Variants in MYCBP observed in about 807,000 individuals in gnomAD.
The protein encoded by MYCBP is C-Myc-binding protein.
In MYCBP, 5 loss-of-function variants were observed where a neutral mutation model predicts 16.8. That is an observed-to-expected ratio of 0.30 (90% confidence interval 0.16 to 0.63). MYCBP has a LOEUF of 0.63. Among genes scored for constraint, MYCBP ranks in the 20% least tolerant of loss-of-function variants. The pLI, the probability that MYCBP is intolerant of heterozygous loss-of-function variation, is 0.83. For missense variants in MYCBP, 103 were observed against 121.8 expected, an observed-to-expected ratio of 0.85 and a Z score of 0.73; for synonymous variants, 35 against 43.7, an observed-to-expected ratio of 0.80 and a Z score of 0.79.
In MYCBP at chr1:38,873,087, C is replaced by A; in HGVS notation, c.19G>T (p.Ala7Ser). The A allele has an allele frequency of 6.4e-7, 1 of 1,559,888 alleles. No homozygotes were observed. Among genetic ancestry groups the A allele is most frequent in the African/African-American group, 1.4e-5 (1 of 73,364 alleles). MAHYKA[A>S]DSKREQFRRY... Reference sequence around the variant, plus strand: ...CGGAACTGCTCACGCTTCGAGTCGGCGGCCTGAAGAGACACCGGGGGTCAG... The same window carrying A: ...CGGAACTGCTCACGCTTCGAGTCGGAGGCCTGAAGAGACACCGGGGGTCAG... The change falls in exon 2 of 5, where the codon GCC (alanine) becomes TCC (serine). Residue 7 changes from alanine (A) to serine (S), a missense_variant. Physicochemically the swap from Ala to Ser is moderately conservative, Grantham distance 99. Transcript: ENST00000397572.
intron 1 of MYCBP, 65 bp downstream of exon 1, chr1:38,873,226 C>A: frequency 1.3e-6 from 2 of 1,585,858 alleles, no homozygotes; most frequent in East Asian, 2.3e-5. Context: ...ACCCCACTCC[C>A]ACCCAGAGCC....
intron 4 of MYCBP, among the ~76,000 whole-genome samples, 160 bp from the exon 5 acceptor site, chr1:38,864,874 A>AT (rs1241857374): frequency 6.6e-6 from 1 of 152,244 alleles, no homozygotes; most frequent in African/African-American, 2.4e-5. Context: ...GTGATTTAAG[A>AT]TTTAATACAA....
At chr1:38,870,301 T>C (rs2124262448) in intron 2 of MYCBP, among the ~76,000 whole-genome samples, 1 of 151,938 alleles carries the variant, frequency 6.6e-6, no homozygotes, top group South Asian at 2.1e-4. Flanking sequence ...GAGACATGAC[T>C]GCACCACTGC....
intron 2 of MYCBP, among the ~76,000 whole-genome samples, chr1:38,869,748 A>T (rs927952322): frequency 9.9e-5 from 15 of 152,166 alleles, no homozygotes. Context: ...CTTGGAAATA[A>T]GCTGTAAAAA....
At chr1:38,873,355 T>A (rs760267412), upstream of MYCBP, 7 of 1,581,514 alleles carry the variant, frequency 4.4e-6, no homozygotes, top group Non-Finnish European at 6.0e-6. Context: ...GACTGGCGGG[T>A]TGGGAGCAGC....
chr1:38,873,108 G>C lies in MYCBP; in HGVS notation c.16-18C>G. The C allele has an allele frequency of 2.6e-6, 4 of 1,556,538 alleles. No individual in the cohort carries two copies. The highest frequency in any genetic ancestry group is 3.5e-6 in the Non-Finnish European group (4 of 1,150,124). ...TCGGCGGCCTGAAGAGACACCGGGG[G>C]TCAGTGGCCAGAGCCCGGGAGCCGA... On this transcript the variant is annotated intron_variant, in intron 1 of 4. Transcript: ENST00000397572.
rs1356153511 is a variant in MYCBP, at chr1:38,863,203, G to A, written c.*1467C>T. Reference sequence around the variant, plus strand: ...AAACTTGTGACTAGAAGAGGCACCAGCCATAGCCACATTCCTACTAACAGG... The same window carrying A: ...AAACTTGTGACTAGAAGAGGCACCAACCATAGCCACATTCCTACTAACAGG... On this transcript the variant is annotated 3_prime_UTR_variant, in exon 5 of 5. Coordinates refer to ENST00000397572, the MANE Select transcript of MYCBP (RefSeq NM_012333.5). 1 of 152,210 alleles carries A rather than the reference G, an allele frequency of 6.6e-6. No homozygotes were observed. The allele number at this position is 152,210 out of a possible 1,614,324, so 9.4% of individuals were successfully genotyped here.
At chr1:38,869,667 G>A (rs1374441040) in intron 2 of MYCBP, among the ~76,000 whole-genome samples, 1 of 152,126 alleles carries the variant, frequency 6.6e-6, no homozygotes, top group Non-Finnish European at 1.5e-5. Context: ...AAATGCTTCA[G>A]CTTCCAAATG....
chr1:38,871,422 T>C (rs1275017735), intron 2 of MYCBP, among the ~76,000 whole-genome samples: 2 of 141,970 alleles, frequency 1.4e-5, no homozygotes, highest in East Asian at 4.0e-4. Context: ...ACATCCCACC[T>C]GTCACTTTTT....
At chr1:38,870,248 G>C (rs951212965) in intron 2 of MYCBP, among the ~76,000 whole-genome samples, 4 of 151,854 alleles carry the variant, frequency 2.6e-5, no homozygotes, top group Non-Finnish European at 5.9e-5. Flanking sequence ...TTGGGTGCCT[G>C]AGGTGGGAGA....
intron 4 of MYCBP, 93 bp from the exon 5 acceptor site, chr1:38,864,807 ACT>A: frequency 1.8e-6 from 2 of 1,139,124 alleles, no homozygotes; most frequent in East Asian, 2.4e-5. Context: ...CAACTTAGTT[ACT>A]GTCAGTAAAT....
chr1:38,872,942 A>G (rs1642498005), intron 2 of MYCBP, 76 bp downstream of exon 2: 1 of 1,495,706 alleles, frequency 6.7e-7, no homozygotes, highest in Non-Finnish European at 9.1e-7. Flanking sequence ...TCCCCACGCT[A>G]CGGCCCGCTG....
Position 38,873,333 on chromosome 1 carries a change from G to T in MYCBP, c.-28C>A. ...TGACAGCGGCAGCGGCGTAGCTGGC[G>T]CCGGAGACCGCGACTGGCGGGTTGG... is the stretch of plus-strand genomic sequence containing the variant. On this transcript the variant is annotated 5_prime_UTR_variant, in exon 1 of 5. Coordinates refer to ENST00000397572, the MANE Select transcript of MYCBP (RefSeq NM_012333.5). The T allele has an allele frequency of 1.3e-6, 2 of 1,598,688 alleles. No homozygotes were observed. The highest frequency in any genetic ancestry group is 1.7e-6 in the Non-Finnish European group (2 of 1,177,898).
Position 38,864,629 on chromosome 1 carries a change from T to A in MYCBP, c.*41A>T, listed in dbSNP as rs1557592855. On this transcript the variant is annotated 3_prime_UTR_variant, in exon 5 of 5. Coordinates refer to ENST00000397572, the MANE Select transcript of MYCBP (RefSeq NM_012333.5). ...TATACTATACAAACTATTCAAGTCATACAAAACCATTTTTCATTGTCTTTC... is the reference window on the plus strand; with the variant it reads ...TATACTATACAAACTATTCAAGTCAAACAAAACCATTTTTCATTGTCTTTC... 3.1e-6 allele frequency: 5 copies of A among 1,604,432 alleles called. No individual in the cohort carries two copies. Among genetic ancestry groups the A allele is most frequent in the Non-Finnish European group, 4.3e-6 (5 of 1,171,288 alleles).
chr1:38,867,420 C>A, intron 3 of MYCBP, 142 bp downstream of exon 3: 1 of 704,210 alleles, frequency 1.4e-6, no homozygotes, highest in Non-Finnish European at 2.3e-6. Context: ...GCATTCCCCA[C>A]CAGGTGACAG....
intron 2 of MYCBP, among the ~76,000 whole-genome samples, chr1:38,868,419 C>A (rs896139610): frequency 6.6e-6 from 1 of 152,140 alleles, no homozygotes; most frequent in Non-Finnish European, 1.5e-5. Context: ...ATGCTCAAAT[C>A]AACATTAAAA....
chr1:38,873,328 CTGGCG>C lies in MYCBP; in HGVS notation c.-28_-24del. The C allele has an allele frequency of 6.3e-7, 1 of 1,599,494 alleles. No individual in the cohort carries two copies. The highest frequency in any genetic ancestry group is 8.5e-7 in the Non-Finnish European group (1 of 1,178,030). On this transcript the variant is annotated 5_prime_UTR_variant, in exon 1 of 5. Transcript: ENST00000397572. Reference sequence around the variant, plus strand: ...CATAGTGACAGCGGCAGCGGCGTAGCTGGCGCCGGAGACCGCGACTGGCGGGTTGG... The same window carrying C: ...CATAGTGACAGCGGCAGCGGCGTAGCCCGGAGACCGCGACTGGCGGGTTGG...
chr1:38,864,821 G>A (rs373349985), intron 4 of MYCBP, 107 bp from the exon 5 acceptor site: 3 of 967,672 alleles, frequency 3.1e-6, no homozygotes, highest in African/African-American at 3.3e-5. Context: ...TCAGTAAATT[G>A]TATTAATATC....
intron 2 of MYCBP, among the ~76,000 whole-genome samples, chr1:38,870,204 G>A (rs188953933): frequency 1.7e-3 from 253 of 150,280 alleles, no homozygotes; most frequent in African/African-American, 5.9e-3. Context: ...AAAATCAGCC[G>A]GACATGGTGG....
Sources: allele counts gnomAD v4.1 joint callset (sites outside exome capture counted in the v4.1 genomes callset), GRCh38; gene constraint gnomAD v4.1.1; transcripts MANE v1.5; gene names NCBI Gene and HGNC (gene_info 2026-07-23, HGNC 2026-07-21).